Variants in MAGI2 observed in about 807,000 individuals in gnomAD.
MAGI2 encodes the protein membrane associated guanylate kinase, WW and PDZ domain containing 2, also known as membrane-associated guanylate kinase, WW and PDZ domain-containing protein 2.
Under a neutral mutation model 133.3 loss-of-function variants are expected in MAGI2, and 35 were observed. The ratio of observed to expected loss-of-function variants is 0.26; its 90% CI spans 0.20 to 0.35. The LOEUF is 0.35. MAGI2 is among the 10% of genes least tolerant of loss of function. The pLI is 1.00. For missense variants in MAGI2, 1,636 were observed against 1,863.4 expected, an observed-to-expected ratio of 0.88 and a Z score of 2.25; for synonymous variants, 729 against 710.6, an observed-to-expected ratio of 1.03 and a Z score of -0.41.
In MAGI2 at chr7:78,037,195, T is replaced by C. The variant is rs537426686; in HGVS notation, c.3707-17219A>G. Among the ~76,000 whole-genome samples, 17 of 152,176 alleles carry C rather than the reference T, an allele frequency of 1.1e-4. No individual in the cohort carries two copies. The South Asian group carries it at 2.5e-3, about 22-fold the overall frequency. On this transcript the variant is annotated intron_variant, in intron 21 of 21. Transcript: ENST00000354212. ...GTGGCTCTGGGTGTACCTAGCGCAATTGGGGTCACAGGCCCCTCTTTGAAC... is the reference window on the plus strand; with the variant it reads ...GTGGCTCTGGGTGTACCTAGCGCAACTGGGGTCACAGGCCCCTCTTTGAAC...
At chr7:78,838,819 G>C in intron 2 of MAGI2, among the ~76,000 whole-genome samples, 1 of 151,958 alleles carries the variant, frequency 6.6e-6, no homozygotes, top group Non-Finnish European at 1.5e-5. Context: ...AAAGTAAAAT[G>C]TAATTGTTTC....
chr7:79,194,898 A>G (rs1020324468), intron 1 of MAGI2, among the ~76,000 whole-genome samples: 1 of 151,970 alleles, frequency 6.6e-6, no homozygotes, highest in Non-Finnish European at 1.5e-5. Context: ...TCAATGAGAA[A>G]TATCATACTA....
intron 1 of MAGI2, among the ~76,000 whole-genome samples, chr7:79,149,342 C>T (rs1019845075): frequency 6.6e-6 from 1 of 151,662 alleles, no homozygotes; most frequent in Non-Finnish European, 1.5e-5. Flanking sequence ...TTACCACACG[C>T]CACTGCTAAC....
At chr7:78,559,949 A>T (rs77820090) in intron 3 of MAGI2, among the ~76,000 whole-genome samples, 2,692 of 152,260 alleles carry the variant, frequency 0.018, 49 homozygotes, top group African/African-American at 0.051. Flanking sequence ...AATAAGAAAA[A>T]ATAGGGACTA....
chr7:78,777,041 T>A (rs1826041470), intron 2 of MAGI2, among the ~76,000 whole-genome samples: 1 of 152,174 alleles, frequency 6.6e-6, no homozygotes, highest in Admixed American at 6.5e-5. Context: ...ACTGTTTAGG[T>A]CAAATTAATA....
At chr7:78,320,644 T>C (rs1008015162) in intron 9 of MAGI2, among the ~76,000 whole-genome samples, 8 of 152,196 alleles carry the variant, frequency 5.3e-5, no homozygotes, top group South Asian at 2.1e-4. Flanking sequence ...GAGTTATTTA[T>C]GACAAACACA....
intron 2 of MAGI2, among the ~76,000 whole-genome samples, chr7:78,878,770 GC>G (rs1221795997): frequency 6.6e-6 from 1 of 152,170 alleles, no homozygotes; most frequent in Non-Finnish European, 1.5e-5. Context: ...GTGCAGTGGG[GC>G]CTTCTCCACT....
intron 2 of MAGI2, among the ~76,000 whole-genome samples, chr7:78,783,075 T>G (rs1360319763): frequency 6.7e-6 from 1 of 149,902 alleles, no homozygotes; most frequent in Admixed American, 6.7e-5. Context: ...GCAAACATCT[T>G]GATGGCAAAG....
At chr7:78,772,326 G>T (rs1184885582) in intron 2 of MAGI2, among the ~76,000 whole-genome samples, 1 of 152,164 alleles carries the variant, frequency 6.6e-6, no homozygotes, top group African/African-American at 2.4e-5. Flanking sequence ...ACTTTGTAAG[G>T]CTAGGTGATA....
At chr7:78,136,319 A>C (rs1300986963) in intron 16 of MAGI2, among the ~76,000 whole-genome samples, 4 of 151,950 alleles carry the variant, frequency 2.6e-5, no homozygotes, top group African/African-American at 9.7e-5. Context: ...TCGGGGTTTC[A>C]CCGTGTTAGC....
rs777063252 is a variant in MAGI2 at position 78,256,239 on chromosome 7, G to A, written c.1751C>T (p.Pro584Leu). 3.1e-5 allele frequency: 50 copies of A among 1,613,930 alleles called. No individual in the cohort carries two copies. Among genetic ancestry groups the A allele is most frequent in the South Asian group, 2.3e-4 (21 of 91,082 alleles). The part of the protein sequence containing the change: ...TDGQLDGTYP[P>L]PVHDDNVSMA... The stretch of plus-strand genomic sequence containing the variant: ...AGACACATTGTCATCATGGACGGGC[G>A]GTGGATACGTGCCGTCTAGCTGACC... The change falls in exon 10 of 22, where the codon CCG becomes CTG. Residue 584 changes from proline (P) to leucine (L), a missense_variant. Transcript: ENST00000354212.
At chr7:78,055,193 G>A (rs1170407758) in intron 21 of MAGI2, among the ~76,000 whole-genome samples, 6 of 152,194 alleles carry the variant, frequency 3.9e-5, no homozygotes, top group Non-Finnish European at 7.3e-5. Flanking sequence ...TTGGAACTGT[G>A]AAACAGATAA....
At chr7:79,164,338 T>C (rs1203305805) in intron 1 of MAGI2, among the ~76,000 whole-genome samples, 1 of 152,066 alleles carries the variant, frequency 6.6e-6, no homozygotes, top group Non-Finnish European at 1.5e-5. Context: ...AAAATCAAAA[T>C]ATTTTACCCC....
chr7:79,004,681 C>G (rs1370578581), intron 2 of MAGI2, among the ~76,000 whole-genome samples: 1 of 152,152 alleles, frequency 6.6e-6, no homozygotes, highest in Non-Finnish European at 1.5e-5. Context: ...GATCATTACA[C>G]ATTCTATGCA....
At chr7:78,065,589 G>T in intron 21 of MAGI2, 1 of 695,950 alleles carries the variant, frequency 1.4e-6, no homozygotes, top group Non-Finnish European at 2.6e-6. Context: ...CTTTAGGGTG[G>T]CCCAATAAGT....
intron 9 of MAGI2, among the ~76,000 whole-genome samples, chr7:78,309,606 C>T (rs562580355): frequency 6.6e-6 from 1 of 152,042 alleles, no homozygotes; most frequent in Non-Finnish European, 1.5e-5. Flanking sequence ...TCATATACCC[C>T]AAACGTCAGT....
chr7:78,782,767 C>T (rs1018912717), intron 2 of MAGI2, among the ~76,000 whole-genome samples: 5 of 152,022 alleles, frequency 3.3e-5, no homozygotes, highest in East Asian at 1.9e-4. Flanking sequence ...AACGTGGTGC[C>T]GAACAGCTTT....
intron 21 of MAGI2, among the ~76,000 whole-genome samples, chr7:78,075,586 C>T (rs1185335248): frequency 6.6e-6 from 1 of 152,038 alleles, no homozygotes. Flanking sequence ...CCGTGTTAGC[C>T]AGGATGGTCT....
chr7:78,961,826 C>T (rs1802868659), intron 2 of MAGI2, among the ~76,000 whole-genome samples: 4 of 151,718 alleles, frequency 2.6e-5, no homozygotes, highest in Non-Finnish European at 4.4e-5. Flanking sequence ...TGTCATTGTG[C>T]GAATATCGTA....
Sources: allele counts gnomAD v4.1 joint callset (sites outside exome capture counted in the v4.1 genomes callset), GRCh38; gene constraint gnomAD v4.1.1; transcripts MANE v1.5; gene names NCBI Gene and HGNC (gene_info 2026-07-23, HGNC 2026-07-21).